Variants in KIF26B observed in about 807,000 individuals in gnomAD.
The protein encoded by KIF26B is kinesin family member 26B.
In KIF26B, 63 loss-of-function variants were observed where a neutral mutation model predicts 151.2. That is an observed-to-expected ratio of 0.42 (90% CI 0.34 to 0.51). KIF26B has a LOEUF of 0.51. KIF26B is among the 20% of genes least tolerant of loss of function. The probability of loss-of-function intolerance (pLI) is 0.07; values close to 1 mark genes in which losing one functional copy is unlikely to be tolerated. For synonymous variants in KIF26B, 1,357 were observed against 1,262.1 expected (o/e 1.08, Z -1.59); for missense variants, 2,813 against 2,913.6 (o/e 0.97, Z 0.79).
rs768099890 is a variant in KIF26B at position 245,190,629 on chromosome 1, G to GTTTTTTTTTTTTTTT, written c.465+33950_465+33951insTTTTTTTTTTTTTTT. Among the ~76,000 whole-genome samples, 35 of 80,064 alleles carry GTTTTTTTTTTTTTTT rather than the reference G, an allele frequency of 4.4e-4. 3 individuals are homozygous for GTTTTTTTTTTTTTTT. Among genetic ancestry groups the GTTTTTTTTTTTTTTT allele is most frequent in the African/African-American group, 1.3e-3 (31 of 23,670 alleles). 52.5% of individuals were successfully genotyped at this position (80,064 alleles called of 152,430 possible). A position where few individuals can be genotyped will look rare whatever the true frequency, so the allele number is the denominator to read the frequency against. ...CTTTTCCTATAAGTTTTCCCTGAAT[G>GTTTTTTTTTTTTTTT]TTTTGTTTTGTTTTTTTTTTTTTTT... On this transcript the variant is annotated intron_variant, in intron 2 of 14. Coordinates refer to ENST00000407071, the MANE Select transcript of KIF26B (RefSeq NM_018012.4).
intron 2 of KIF26B, among the ~76,000 whole-genome samples, chr1:245,269,181 C>T (rs1258166576): frequency 1.3e-5 from 2 of 151,196 alleles, no homozygotes; most frequent in South Asian, 2.1e-4. Flanking sequence ...CTGCTCCCAC[C>T]GAACGGCTCC....
Position 245,166,818 on chromosome 1 carries a change from G to A in KIF26B, c.465+10135G>A, listed in dbSNP as rs1038006371. 3.3e-5 allele frequency among the ~76,000 whole-genome samples: 5 copies of A among 152,174 alleles called. No homozygotes were observed. Among genetic ancestry groups the A allele is most frequent in the Non-Finnish European group, 7.3e-5 (5 of 68,042 alleles). On this transcript the variant is annotated intron_variant, in intron 2 of 14. Coordinates refer to ENST00000407071, the MANE Select transcript of KIF26B (RefSeq NM_018012.4). This position sits in a 1 kb window ranked among gnomAD's most constrained non-coding sequence, Gnocchi z 4.5. ...AGAAGTCACCCTCCCCCACCAAGCA[G>A]GATATCCTGCACATACATCAGCTCT...
At chr1:245,383,782 C>A (rs1673472057) in intron 3 of KIF26B, among the ~76,000 whole-genome samples, 1 of 152,064 alleles carries the variant, frequency 6.6e-6, no homozygotes, top group Non-Finnish European at 1.5e-5. Flanking sequence ...GCTTTCTGAA[C>A]AAAATGAGGG....
rs1160455410 is a variant in KIF26B at position 245,227,859 on chromosome 1, G to T, written c.465+71176G>T. Among the ~76,000 whole-genome samples, 6 of 151,982 alleles carry T rather than the reference G, an allele frequency of 3.9e-5. No homozygotes were observed. The highest frequency in any genetic ancestry group is 6.6e-5 in the Admixed American group (1 of 15,258). On this transcript the variant is annotated intron_variant, in intron 2 of 14. Coordinates refer to ENST00000407071, the MANE Select transcript of KIF26B (RefSeq NM_018012.4). The surrounding 1 kb of genome is among the most constrained non-coding windows in gnomAD (Gnocchi z 4.1). Reference sequence around the variant, plus strand: ...CTACTAAAAATACAAAAAATTAGCCGGGCATGGTGGCGGGCACCTGTAATC... The same window carrying T: ...CTACTAAAAATACAAAAAATTAGCCTGGCATGGTGGCGGGCACCTGTAATC...
At chr1:245,243,222 A>G (rs1178350749) in intron 2 of KIF26B, among the ~76,000 whole-genome samples, 1 of 152,116 alleles carries the variant, frequency 6.6e-6, no homozygotes, top group Non-Finnish European at 1.5e-5. Context: ...GTCTTTATCA[A>G]ACTTTAAATA....
rs869238168 is a variant in KIF26B at position 245,569,927 on chromosome 1, A to ATTTTTT, written c.1350+28998_1350+29003dup. ...GGGAAACCTACGTTGTAAATAGAGA[A>ATTTTTT]TTTTTTTTTTTTTTTTTTTTTTTTT... On this transcript the variant is annotated intron_variant, in intron 5 of 14. Transcript: ENST00000407071. Among the ~76,000 whole-genome samples the ATTTTTT allele has an allele frequency of 4.6e-4, 22 of 47,666 alleles. 4 individuals carry two copies. The highest frequency in any genetic ancestry group is 1.5e-3 in the African/African-American group (17 of 11,566). The allele number at this position is 47,666 out of a possible 152,430, so 31.3% of individuals were successfully genotyped here. A position where few individuals can be genotyped will look rare whatever the true frequency, so the allele number is the denominator to read the frequency against.
chr1:245,499,255 G>GTT (rs1202841436), intron 4 of KIF26B, among the ~76,000 whole-genome samples: 4 of 152,130 alleles, frequency 2.6e-5, no homozygotes, highest in African/African-American at 9.7e-5. Flanking sequence ...ATGTGTGTGT[G>GTT]TGTGTGTCTG....
intron 4 of KIF26B, among the ~76,000 whole-genome samples, chr1:245,428,074 G>A (rs567940701): frequency 6.6e-6 from 1 of 152,308 alleles, no homozygotes; most frequent in African/African-American, 2.4e-5. Flanking sequence ...GGCCGGCCCT[G>A]CCTCCTTCAC....
At chr1:245,306,624 GCCTTTTATTTATATGGAATCCT>G (rs1671543469) in intron 2 of KIF26B, among the ~76,000 whole-genome samples, 1 of 152,030 alleles carries the variant, frequency 6.6e-6, no homozygotes, top group African/African-American at 2.4e-5. Context: ...GGCTTTTAAA[GCCTTTTATTTATATGGAATCCT>G]CCCCACCCCC....
intron 3 of KIF26B, among the ~76,000 whole-genome samples, chr1:245,387,023 G>A (rs766625134): frequency 2.6e-5 from 4 of 152,122 alleles, no homozygotes; most frequent in Non-Finnish European, 4.4e-5. Flanking sequence ...ATTCCCCTGC[G>A]CATCTGAAAG....
chr1:245,324,270 A>G (rs1400217666), intron 2 of KIF26B, among the ~76,000 whole-genome samples: 1 of 152,218 alleles, frequency 6.6e-6, no homozygotes, highest in African/African-American at 2.4e-5. Flanking sequence ...GTGTATTTTC[A>G]GACCTGGAAT....
At chr1:245,348,807 A>G (rs1345645733) in intron 2 of KIF26B, among the ~76,000 whole-genome samples, 1 of 151,412 alleles carries the variant, frequency 6.6e-6, no homozygotes, top group Non-Finnish European at 1.5e-5. Context: ...AGTTACGCCA[A>G]CTCGCCCCCA....
At chr1:245,165,056 G>A (rs1219722307) in intron 2 of KIF26B, among the ~76,000 whole-genome samples, 1 of 124,266 alleles carries the variant, frequency 8.0e-6, no homozygotes. Context: ...GGGTGACGGT[G>A]CGAGACTCCA....
chr1:245,364,672 G>A (rs942310949), intron 2 of KIF26B, among the ~76,000 whole-genome samples: 13 of 151,888 alleles, frequency 8.6e-5, no homozygotes, highest in Admixed American at 5.2e-4. Context: ...CGCCTGCCTC[G>A]GCCTCCCAAA....
chr1:245,705,690 A>C lies in KIF26B; in HGVS notation c.*3084A>C, dbSNP rs1416884693. ...TGCTCCAAATATGTGAGGTGGAAGC[A>C]TTAGCAGCGGAGCAAAACTAAGATC... On this transcript the variant is annotated 3_prime_UTR_variant, in exon 15 of 15. Transcript: ENST00000407071. 1 of 152,254 alleles carries C rather than the reference A, an allele frequency of 6.6e-6. No homozygotes were observed. Among genetic ancestry groups the C allele is most frequent in the Non-Finnish European group, 1.5e-5 (1 of 68,062 alleles). The allele number at this position is 152,254 out of a possible 1,614,324, so 9.4% of individuals were successfully genotyped here. A position where few individuals can be genotyped will look rare whatever the true frequency, so the allele number is the denominator to read the frequency against.
chr1:245,684,490 A>C, intron 11 of KIF26B, 95 bp downstream of exon 11: 7 of 1,240,202 alleles, frequency 5.6e-6, no homozygotes, highest in Non-Finnish European at 7.7e-6. Flanking sequence ...AACGTTGCCA[A>C]TCCCCCAGCA....
intron 10 of KIF26B, among the ~76,000 whole-genome samples, chr1:245,678,213 C>G (rs1265054789): frequency 6.6e-6 from 1 of 151,204 alleles, no homozygotes; most frequent in Admixed American, 6.6e-5. Context: ...CTTCCTTCTC[C>G]TCTTCACTCT....
chr1:245,474,613 A>G (rs2103065679), intron 4 of KIF26B, among the ~76,000 whole-genome samples: 1 of 150,704 alleles, frequency 6.6e-6, no homozygotes, highest in South Asian at 2.1e-4. Context: ...GGGTTTCACC[A>G]TGTTGGCCAG....
chr1:245,267,220 T>C, intron 2 of KIF26B, among the ~76,000 whole-genome samples: 1 of 152,250 alleles, frequency 6.6e-6, no homozygotes, highest in East Asian at 1.9e-4. Context: ...ACTGTGGCCA[T>C]CTTCTCTACT....
Sources: allele counts gnomAD v4.1 joint callset (sites outside exome capture counted in the v4.1 genomes callset), GRCh38; gene constraint gnomAD v4.1.1; non-coding constraint Gnocchi (gnomAD v3.1); transcripts MANE v1.5; gene names NCBI Gene and HGNC (gene_info 2026-07-23, HGNC 2026-07-21).